Variants in AKAP6 observed in about 807,000 individuals in gnomAD.
AKAP6 encodes the protein A-kinase anchor protein 6.
In AKAP6, 58 loss-of-function variants were observed where a neutral mutation model predicts 188.5. That is an observed-to-expected ratio of 0.31 (90% CI 0.25 to 0.38). The LOEUF (loss-of-function observed/expected upper bound fraction) is 0.38. AKAP6 is among the 10% of genes least tolerant of loss of function. AKAP6 has a pLI of 1.00. For missense variants in AKAP6, 2,710 were observed against 2,740.0 expected (o/e 0.99, Z 0.24); for synonymous variants, 989 against 998.6 (o/e 0.99, Z 0.18).
chr14:32,732,269 G>GTA (rs911250421), intron 9 of AKAP6, among the ~76,000 whole-genome samples, 185 bp from the exon 10 acceptor site: 2 of 151,928 alleles, frequency 1.3e-5, no homozygotes, highest in African/African-American at 4.8e-5. Context: ...GTGTGTGTGT[G>GTA]TGTGTGTATA....
intron 1 of AKAP6, among the ~76,000 whole-genome samples, chr14:32,360,142 T>A (rs1281516645): frequency 5.3e-5 from 8 of 151,506 alleles, no homozygotes; most frequent in African/African-American, 1.9e-4. Flanking sequence ...TCTTTTTTTT[T>A]TTCGAGACAG....
intron 12 of AKAP6, 151 bp from the exon 13 acceptor site, chr14:32,821,251 G>C: frequency 1.4e-6 from 1 of 707,834 alleles, no homozygotes; most frequent in Non-Finnish European, 2.2e-6. Flanking sequence ...TGTTATTTCA[G>C]AGAGGAATAG....
chr14:32,585,492 A>ACGTGTGTGTG lies in AKAP6; in HGVS notation c.2469+8250_2469+8251insCGTGTGTGTG, dbSNP rs4007573. ...AAAATGGTGACTATGAACTATATAT[A>ACGTGTGTGTG]TGTGTGTGTGTGTGTGTGTGTGTAT... On this transcript the variant is annotated intron_variant, in intron 5 of 13. Coordinates refer to ENST00000280979, the MANE Select transcript of AKAP6 (RefSeq NM_004274.5). Among the ~76,000 whole-genome samples, 81 of 150,846 alleles carry ACGTGTGTGTG rather than the reference A, an allele frequency of 5.4e-4. 1 individual carries two copies. The East Asian group carries it at 0.015, about 27-fold the overall frequency.
chr14:32,408,007 T>G (rs1463781639), intron 1 of AKAP6, among the ~76,000 whole-genome samples: 1 of 152,220 alleles, frequency 6.6e-6, no homozygotes, highest in Non-Finnish European at 1.5e-5. Context: ...GATTAGGCTC[T>G]TTCTAGGGGA....
At chr14:32,649,367 T>A (rs947908545) in intron 7 of AKAP6, among the ~76,000 whole-genome samples, 1 of 152,180 alleles carries the variant, frequency 6.6e-6, no homozygotes, top group African/African-American at 2.4e-5. Flanking sequence ...AAGGTTAAAA[T>A]CCTTTTAGAC....
intron 10 of AKAP6, chr14:32,733,966 ATTGT>A (rs1011598969): frequency 2.6e-5 from 4 of 152,142 alleles, no homozygotes; most frequent in African/African-American, 9.7e-5. Context: ...TTTTTAGAAA[ATTGT>A]TTAAGTTATG....
chr14:32,344,765 A>C (rs7148165), intron 1 of AKAP6, among the ~76,000 whole-genome samples: 49,841 of 151,786 alleles, frequency 0.33, 8,477 homozygotes, highest in East Asian at 0.45. Context: ...AAAATACAAA[A>C]ATTAGCTGGG....
chr14:32,776,392 T>C (rs143218934), intron 12 of AKAP6, among the ~76,000 whole-genome samples: 152 of 152,288 alleles, frequency 1.0e-3, no homozygotes, highest in Non-Finnish European at 1.6e-3. Flanking sequence ...TTCTCTCTTG[T>C]CTGCTGCCAT....
intron 1 of AKAP6, among the ~76,000 whole-genome samples, chr14:32,380,543 T>C (rs543346057): frequency 1.0e-3 from 154 of 152,340 alleles, no homozygotes; most frequent in African/African-American, 3.6e-3. Context: ...AAGTTGTGTT[T>C]TATGTTATCA....
At chr14:32,778,322 G>A (rs1403248385) in intron 12 of AKAP6, among the ~76,000 whole-genome samples, 1 of 152,130 alleles carries the variant, frequency 6.6e-6, no homozygotes, top group Non-Finnish European at 1.5e-5. Context: ...ATCTCTTTAA[G>A]TGGTAATAGA....
At chr14:32,829,563 G>C (rs974670915) in intron 13 of AKAP6, among the ~76,000 whole-genome samples, 4 of 150,844 alleles carry the variant, frequency 2.7e-5, no homozygotes, top group Non-Finnish European at 5.9e-5. Context: ...ATGACATCCA[G>C]AGAAAAGGTC....
At chr14:32,801,419 G>C (rs578251524) in intron 12 of AKAP6, among the ~76,000 whole-genome samples, 1 of 152,220 alleles carries the variant, frequency 6.6e-6, no homozygotes, top group East Asian at 1.9e-4. Flanking sequence ...ACTTATAACA[G>C]AGTATACTCA....
At chr14:32,739,156 T>G (rs2031564575) in intron 11 of AKAP6, among the ~76,000 whole-genome samples, 3 of 152,114 alleles carry the variant, frequency 2.0e-5, no homozygotes, top group African/African-American at 7.2e-5. Context: ...TGCATTCACT[T>G]ACTTATTCCT....
intron 9 of AKAP6, chr14:32,718,417 G>A: frequency 1.4e-6 from 1 of 699,846 alleles, no homozygotes; most frequent in African/African-American, 1.9e-5. Flanking sequence ...AGGCCCAAGG[G>A]GTCAGGGGAT....
chr14:32,790,109 A>G (rs960338028), intron 12 of AKAP6, among the ~76,000 whole-genome samples: 1 of 152,334 alleles, frequency 6.6e-6, no homozygotes, highest in South Asian at 2.1e-4. Flanking sequence ...GACCAAGTGG[A>G]GGAAAGAATC....
intron 1 of AKAP6, among the ~76,000 whole-genome samples, chr14:32,387,350 A>G (rs1166319518): frequency 6.6e-6 from 1 of 151,926 alleles, no homozygotes; most frequent in Non-Finnish European, 1.5e-5. Flanking sequence ...TGATGAGAGT[A>G]GGCATTCTTG....
At chr14:32,438,782 A>G (rs1290785798) in intron 2 of AKAP6, 1 of 152,224 alleles carries the variant, frequency 6.6e-6, no homozygotes, top group African/African-American at 2.4e-5. Context: ...AACCAGATCA[A>G]GAACCTTTAA....
intron 2 of AKAP6, among the ~76,000 whole-genome samples, chr14:32,510,894 C>T (rs182749337): frequency 2.6e-4 from 40 of 152,188 alleles, no homozygotes; most frequent in East Asian, 1.5e-3. Flanking sequence ...GTGATAACAC[C>T]GAGGGCTCCT....
chr14:32,678,348 A>T lies in AKAP6; in HGVS notation c.2768A>T (p.Asp923Val). The T allele has an allele frequency of 4.3e-6, 7 of 1,613,532 alleles. No individual in the cohort carries two copies. Among genetic ancestry groups the T allele is most frequent in the Non-Finnish European group, 5.9e-6 (7 of 1,179,616 alleles). The change falls in exon 8 of 14, where the codon GAT (aspartate) becomes GTT (valine). Residue 923 changes from aspartate (D) to valine (V), a missense_variant. Asp to Val is a radical substitution (Grantham distance 152). Transcript: ENST00000280979. ...VQLCYLEAQR[D>V]AVEQMSLKLY... ...CTATGCTACCTGGAAGCACAAAGAG[A>T]TGCTGTTGAGCAGATGTCCCTCAAG...
Sources: gnomAD v4.1 joint callset for allele counts (sites outside exome capture counted in the v4.1 genomes callset) on GRCh38, gnomAD v4.1.1 for gene constraint, MANE v1.5 for transcripts, NCBI Gene and HGNC (gene_info 2026-07-23, HGNC 2026-07-21) for gene names.